The following WDR64 variants were observed in gnomAD, a reference collection of about 807,000 sequenced individuals.
WDR64 encodes the protein WD repeat domain 64.
A neutral mutation model predicts 139.3 loss-of-function variants in WDR64; 112 were observed. That is an observed-to-expected ratio of 0.80 (90% CI 0.69 to 0.94). WDR64 has a LOEUF of 0.94. WDR64 is among the 40% of genes least tolerant of loss of function. The pLI is 0.00. For synonymous variants in WDR64, 444 were observed against 437.7 expected, an observed-to-expected ratio of 1.01 and a Z score of -0.18; for missense variants, 1,206 against 1,293.1, an observed-to-expected ratio of 0.93 and a Z score of 1.03.
chr1:241,715,947 T>C (rs1371058780), intron 9 of WDR64, among the ~76,000 whole-genome samples: 1 of 152,142 alleles, frequency 6.6e-6, no homozygotes, highest in Non-Finnish European at 1.5e-5. Context: ...TGAAAACGTG[T>C]TTATTATAGG....
At chr1:241,794,382 TAAG>T (rs1429952908) in intron 25 of WDR64, among the ~76,000 whole-genome samples, 2 of 151,664 alleles carry the variant, frequency 1.3e-5, no homozygotes, top group Non-Finnish European at 2.9e-5. Context: ...AATTTAGAGA[TAAG>T]AAATCATTTT....
intron 2 of WDR64, among the ~76,000 whole-genome samples, chr1:241,662,202 T>C (rs748382687): frequency 6.6e-6 from 1 of 152,172 alleles, no homozygotes; most frequent in Non-Finnish European, 1.5e-5. Flanking sequence ...AATTTAGCAA[T>C]GAGAAGAAAT....
intron 3 of WDR64, 51 bp from the exon 4 acceptor site, chr1:241,674,593 T>C (rs1666392570): frequency 1.6e-6 from 2 of 1,234,754 alleles, no homozygotes; most frequent in Admixed American, 4.8e-5. Flanking sequence ...AACAAATGAG[T>C]TTCAGCACCT....
At chr1:241,675,169 ACCCTCCTTCCTTCTTTCCTTCC>A (rs1666482062) in intron 4 of WDR64, among the ~76,000 whole-genome samples, 1 of 6,562 alleles carries the variant, frequency 1.5e-4, no homozygotes, top group Admixed American at 2.3e-3. Context: ...CCTACCTCCC[ACCCTCCTTCCTTCTTTCCTTCC>A]TCCCAACTTC....
intron 20 of WDR64, among the ~76,000 whole-genome samples, chr1:241,773,943 T>C (rs988153264): frequency 1.6e-4 from 24 of 152,234 alleles, no homozygotes; most frequent in African/African-American, 4.3e-4. Context: ...ATACAATAAA[T>C]TGTTAGTTTA....
rs1160390069 is a variant in WDR64 at position 241,679,589 on chromosome 1, C to CA, written c.619dup (p.Ser207LysfsTer25). ...TCTGGGATTATAAAGCTCAAGGGAG[C>CA]AGCCAGGTATTGTGCCAAGAGAAAT... On this transcript the variant is annotated frameshift_variant, in exon 6 of 28. Transcript: ENST00000437684. LOFTEE classifies it high-confidence loss of function. The CA allele has an allele frequency of 6.4e-7, 1 of 1,551,392 alleles. No homozygotes were observed. Among genetic ancestry groups the CA allele is most frequent in the Admixed American group, 2.0e-5 (1 of 50,990 alleles).
intron 13 of WDR64, among the ~76,000 whole-genome samples, chr1:241,745,068 G>C (rs1441475675): frequency 6.6e-5 from 10 of 152,170 alleles, no homozygotes. Context: ...TTACGCTATG[G>C]AGCACTGGTA....
intron 1 of WDR64, among the ~76,000 whole-genome samples, chr1:241,652,835 G>T (rs1254092763): frequency 3.3e-5 from 5 of 152,000 alleles, no homozygotes; most frequent in African/African-American, 9.7e-5. Flanking sequence ...TTTTGTTTTT[G>T]TTTTTTTTTT....
chr1:241,742,650 C>A (rs1184914412), intron 12 of WDR64, among the ~76,000 whole-genome samples: 1 of 152,172 alleles, frequency 6.6e-6, no homozygotes, highest in African/African-American at 2.4e-5. Flanking sequence ...AATGGGCAAC[C>A]AGCAGCCCTA....
At chr1:241,733,475 C>CA (rs1312224281) in intron 10 of WDR64, among the ~76,000 whole-genome samples, 3 of 135,400 alleles carry the variant, frequency 2.2e-5, no homozygotes, top group Admixed American at 1.5e-4. Flanking sequence ...AACTCTGTCT[C>CA]AAAAAAAAGA....
At chr1:241,800,721 T>C (rs1357802140) in intron 27 of WDR64, among the ~76,000 whole-genome samples, 1 of 152,198 alleles carries the variant, frequency 6.6e-6, no homozygotes, top group Non-Finnish European at 1.5e-5. Context: ...TGATTTTATT[T>C]TCCTGTGAGC....
intron 10 of WDR64, among the ~76,000 whole-genome samples, chr1:241,737,706 C>A (rs577368146): frequency 3.7e-4 from 57 of 152,206 alleles, no homozygotes; most frequent in African/African-American, 1.3e-3. Context: ...ACAGACTTAA[C>A]CTAGTTTTGC....
At chr1:241,667,307 G>A (rs192764616) in intron 2 of WDR64, among the ~76,000 whole-genome samples, 153 of 152,206 alleles carry the variant, frequency 1.0e-3, no homozygotes, top group African/African-American at 1.6e-3. Flanking sequence ...TCTACTTTGC[G>A]TAAGTCCTTT....
chr1:241,674,953 T>A (rs1666426473), intron 4 of WDR64, among the ~76,000 whole-genome samples: 1 of 30,176 alleles, frequency 3.3e-5, no homozygotes, highest in Non-Finnish European at 9.2e-5. Flanking sequence ...CCTTCCTTCC[T>A]CTCTCCTCCC....
At chr1:241,738,551 C>A in intron 11 of WDR64, 62 bp downstream of exon 11, 4 of 1,536,756 alleles carry the variant, frequency 2.6e-6, no homozygotes, top group Non-Finnish European at 3.5e-6. Flanking sequence ...TTTTTTTAAA[C>A]TAGCACTTGA....
intron 27 of WDR64, 61 bp from the exon 28 acceptor site, chr1:241,801,071 T>C: frequency 7.1e-7 from 1 of 1,415,606 alleles, no homozygotes. Flanking sequence ...ACCTTGACTC[T>C]GGAAAATTGT....
At chr1:241,653,896 T>A (rs1260061317) in intron 1 of WDR64, among the ~76,000 whole-genome samples, 1 of 152,192 alleles carries the variant, frequency 6.6e-6, no homozygotes, top group Non-Finnish European at 1.5e-5. Flanking sequence ...CTTTTGGATA[T>A]GCTTTTTCGG....
intron 10 of WDR64, among the ~76,000 whole-genome samples, chr1:241,735,841 C>CTCTT (rs924767060): frequency 8.7e-6 from 1 of 114,994 alleles, no homozygotes; most frequent in African/African-American, 3.2e-5. Flanking sequence ...CTCTCTCTCT[C>CTCTT]TCTCTCTCTC....
rs867231769 is a variant in WDR64 at position 241,772,786 on chromosome 1, G to A, written c.2291-6G>A. ...CCTCATGATAGTTCATTAATTTCTC[G>A]AATAGGTGAACAAACAGATGTAATG... is the stretch of plus-strand genomic sequence containing the variant. On this transcript the variant is annotated splice_region_variant and splice_polypyrimidine_tract_variant and intron_variant, in intron 19 of 27. Coordinates refer to ENST00000437684, the MANE Select transcript of WDR64 (RefSeq NM_001367482.1). 4.5e-6 allele frequency: 7 copies of A among 1,551,358 alleles called. No individual in the cohort carries two copies. Among genetic ancestry groups the A allele is most frequent in the Admixed American group, 2.0e-5 (1 of 50,928 alleles).
Sources: gnomAD v4.1 joint callset for allele counts (sites outside exome capture counted in the v4.1 genomes callset) on GRCh38, gnomAD v4.1.1 for gene constraint, MANE v1.5 for transcripts, NCBI Gene and HGNC (gene_info 2026-07-23, HGNC 2026-07-21) for gene names.